Variants in ABTB3 observed in about 807,000 individuals in gnomAD.
ABTB3 encodes the protein ankyrin repeat- and BTB/POZ domain-containing protein 3.
At chr12:107,652,568 C>T in the ABTB3 span, among the ~76,000 whole-genome samples, 2 of 152,198 alleles carry the variant, frequency 1.3e-5, no homozygotes, top group Non-Finnish European at 2.9e-5. Context: ...CAACACCTGG[C>T]TACTAATTAG....
chr12:107,381,581 G>T, the ABTB3 span, among the ~76,000 whole-genome samples: 1 of 152,238 alleles, frequency 6.6e-6, no homozygotes, highest in Non-Finnish European at 1.5e-5. Context: ...GCTGGGCAGT[G>T]TCAGGGAATT....
At chr12:107,352,950 A>G in the ABTB3 span, among the ~76,000 whole-genome samples, 7 of 152,198 alleles carry the variant, frequency 4.6e-5, no homozygotes, top group Non-Finnish European at 2.9e-5. Context: ...AAGTGGAGGA[A>G]GAACACTGTG....
the ABTB3 span, among the ~76,000 whole-genome samples, chr12:107,469,964 CTTTCTTTCTTTCTTTCTTTCTT>C: frequency 2.8e-5 from 2 of 71,434 alleles, no homozygotes; most frequent in African/African-American, 1.8e-4. Context: ...TTCTTTCTTT[CTTTCTTTCTTTCTTTCTTTCTT>C]TCTTTCTTTC....
chr12:107,369,817 C>T, the ABTB3 span, among the ~76,000 whole-genome samples: 40,844 of 143,954 alleles, frequency 0.28, 5,981 homozygotes, highest in South Asian at 0.42. Flanking sequence ...GCAGAATTTG[C>T]CTGGTGTATT....
chr12:107,570,860 G>A, the ABTB3 span, among the ~76,000 whole-genome samples: 7 of 152,112 alleles, frequency 4.6e-5, no homozygotes, highest in Admixed American at 4.6e-4. Context: ...GAGGTCCAAA[G>A]CACCAGGCCC....
At chr12:107,495,291 G>A in the ABTB3 span, among the ~76,000 whole-genome samples, 2 of 152,162 alleles carry the variant, frequency 1.3e-5, no homozygotes, top group Non-Finnish European at 2.9e-5. Context: ...CTACCTGCAC[G>A]GGCTCAGCCA....
chr12:107,618,351 G>A, the ABTB3 span: 8 of 1,613,266 alleles, frequency 5.0e-6, no homozygotes, highest in African/African-American at 1.1e-4. Context: ...TGGCTACGTG[G>A]ATGTCACAAT....
At chr12:107,540,555 A>G in the ABTB3 span, among the ~76,000 whole-genome samples, 33 of 152,302 alleles carry the variant, frequency 2.2e-4, no homozygotes, top group African/African-American at 7.5e-4. Context: ...CCTTGCTGCC[A>G]TCTGCACAAG....
chr12:107,408,017 G>A, the ABTB3 span, among the ~76,000 whole-genome samples: 2 of 152,100 alleles, frequency 1.3e-5, no homozygotes, highest in African/African-American at 4.8e-5. Context: ...TCGTTGCAAC[G>A]AAATAAATAA....
the ABTB3 span, among the ~76,000 whole-genome samples, chr12:107,589,732 C>T: frequency 8.5e-5 from 13 of 152,222 alleles, no homozygotes; most frequent in Non-Finnish European, 1.6e-4. Context: ...GACTTGTATT[C>T]CAGACAGCTG....
the ABTB3 span, among the ~76,000 whole-genome samples, chr12:107,568,939 C>T: frequency 6.6e-6 from 1 of 152,142 alleles, no homozygotes; most frequent in Non-Finnish European, 1.5e-5. Flanking sequence ...ACACAGGAGG[C>T]CCAGGGAATC....
At chr12:107,432,787 A>AT in the ABTB3 span, among the ~76,000 whole-genome samples, 1 of 152,170 alleles carries the variant, frequency 6.6e-6, no homozygotes, top group South Asian at 2.1e-4. Flanking sequence ...CAGAATCTGT[A>AT]TAGGAGAGGC....
chr12:107,639,069 G>T, the ABTB3 span, among the ~76,000 whole-genome samples: 1 of 152,198 alleles, frequency 6.6e-6, no homozygotes. Context: ...TGTCTGATCA[G>T]TATGTCTGAA....
the ABTB3 span, among the ~76,000 whole-genome samples, chr12:107,368,101 C>T: frequency 2.0e-5 from 3 of 152,136 alleles, no homozygotes; most frequent in South Asian, 2.1e-4. Flanking sequence ...AGTTATGCAG[C>T]GGTAATAGCA....
the ABTB3 span, among the ~76,000 whole-genome samples, chr12:107,552,472 C>T: frequency 1.1e-4 from 16 of 152,286 alleles, no homozygotes; most frequent in Admixed American, 8.5e-4. Flanking sequence ...TAGTTTTCTG[C>T]GTACATACAA....
the ABTB3 span, among the ~76,000 whole-genome samples, chr12:107,376,050 C>T: frequency 3.1e-3 from 467 of 152,250 alleles, 2 homozygotes; most frequent in African/African-American, 0.011. Context: ...CAGCTTTTGC[C>T]CTTGCGGTTC....
chr12:107,336,783 A>C, the ABTB3 span, among the ~76,000 whole-genome samples: 1 of 152,256 alleles, frequency 6.6e-6, no homozygotes, highest in Admixed American at 6.5e-5. Flanking sequence ...ATGCAAGCAC[A>C]GATATTTGTC....
chr12:107,353,701 AGT>A, the ABTB3 span, among the ~76,000 whole-genome samples: 2 of 152,156 alleles, frequency 1.3e-5, no homozygotes, highest in Non-Finnish European at 2.9e-5. Context: ...GGAGGTGAGC[AGT>A]GTACAAGTGA....
At chr12:107,372,996 G>A in the ABTB3 span, among the ~76,000 whole-genome samples, 1 of 152,116 alleles carries the variant, frequency 6.6e-6, no homozygotes, top group Admixed American at 6.5e-5. Flanking sequence ...CCTGTGCATG[G>A]TAGGATGTTA....
Sources: gnomAD v4.1 joint callset for allele counts (sites outside exome capture counted in the v4.1 genomes callset) on GRCh38, gnomAD v4.1.1 for gene constraint, MANE v1.5 for transcripts, NCBI Gene and HGNC (gene_info 2026-07-23, HGNC 2026-07-21) for gene names.